Variants in CEP350 observed in about 807,000 individuals in gnomAD.
CEP350 encodes the protein centrosomal protein 350.
In CEP350, 126 loss-of-function variants were observed where a neutral mutation model predicts 331.8. The observed-to-expected ratio is 0.38, with a 90% CI of 0.33 to 0.44. CEP350 has a LOEUF of 0.44. CEP350 is among the 20% of genes least tolerant of loss of function. The probability of loss-of-function intolerance (pLI) is 1.00; values close to 1 mark genes in which losing one functional copy is unlikely to be tolerated. For missense variants in CEP350, 3,406 were observed against 3,634.6 expected (o/e 0.94, Z 1.62); for synonymous variants, 1,200 against 1,259.5 (o/e 0.95, Z 1.00).
intron 25 of CEP350, among the ~76,000 whole-genome samples, chr1:180,060,998 TTTA>T (rs1658196504): frequency 6.6e-6 from 1 of 152,134 alleles, no homozygotes; most frequent in South Asian, 2.1e-4. Flanking sequence ...GTTTTATTTC[TTTA>T]CAGGATTAAA....
chr1:180,003,652 C>T (rs1414486074), intron 7 of CEP350, among the ~76,000 whole-genome samples: 1 of 151,990 alleles, frequency 6.6e-6, no homozygotes, highest in Non-Finnish European at 1.5e-5. Context: ...AAGATACTTA[C>T]ATGAGAGCAA....
At chr1:179,993,986 C>T (rs1485593421) in intron 5 of CEP350, among the ~76,000 whole-genome samples, 1 of 152,156 alleles carries the variant, frequency 6.6e-6, no homozygotes, top group Non-Finnish European at 1.5e-5. Context: ...TGTTTTGGTT[C>T]CATATCTGCC....
chr1:180,104,029 A>G (rs997971477), intron 37 of CEP350, among the ~76,000 whole-genome samples: 2 of 145,526 alleles, frequency 1.4e-5, no homozygotes, highest in African/African-American at 5.1e-5. Flanking sequence ...ATATTTTAAA[A>G]TATATACAAA....
intron 14 of CEP350, among the ~76,000 whole-genome samples, chr1:180,030,293 A>G (rs897385576): frequency 1.4e-5 from 2 of 144,634 alleles, no homozygotes; most frequent in East Asian, 1.9e-4. Context: ...ATATATACAC[A>G]TAAGTATATA....
intron 1 of CEP350, among the ~76,000 whole-genome samples, chr1:179,967,582 T>C (rs1651111598): frequency 6.6e-6 from 1 of 152,056 alleles, no homozygotes; most frequent in Non-Finnish European, 1.5e-5. Flanking sequence ...CAGCCAATTT[T>C]TGTATTTTTA....
chr1:180,112,701 TGTTATAGCTTCAAA>T lies in CEP350; in HGVS notation c.*1543_*1556del, dbSNP rs1661518887. The T allele has an allele frequency of 6.6e-6, 1 of 152,656 alleles. No homozygotes were observed. The highest frequency in any genetic ancestry group is 6.5e-5 in the Admixed American group (1 of 15,280). 9.5% of individuals were successfully genotyped at this position (152,656 alleles called of 1,614,324 possible). ...ATTCATATTTACAAATATCCTGGAA[TGTTATAGCTTCAAA>T]GTATATTAGAAAAACCCCAAAGATG... On this transcript the variant is annotated 3_prime_UTR_variant, in exon 38 of 38. Coordinates refer to ENST00000367607, the MANE Select transcript of CEP350 (RefSeq NM_014810.5).
At chr1:180,022,463 A>G (rs1290364636) in intron 12 of CEP350, among the ~76,000 whole-genome samples, 3 of 152,186 alleles carry the variant, frequency 2.0e-5, no homozygotes, top group Non-Finnish European at 4.4e-5. Flanking sequence ...AAGCAGGATG[A>G]TGAATACTTT....
chr1:180,099,528 C>T (rs958390061), intron 37 of CEP350, among the ~76,000 whole-genome samples: 1 of 151,652 alleles, frequency 6.6e-6, no homozygotes, highest in African/African-American at 2.4e-5. Context: ...TTTGGTTTTG[C>T]AATATATTTC....
At chr1:179,988,671 CT>C (rs546396776) in intron 3 of CEP350, among the ~76,000 whole-genome samples, 242 of 144,566 alleles carry the variant, frequency 1.7e-3, no homozygotes, top group Admixed American at 1.7e-3. Flanking sequence ...AAGGGAAACC[CT>C]TTTTTTTTTT....
At chr1:179,959,634 A>G (rs1169025795) in intron 1 of CEP350, among the ~76,000 whole-genome samples, 2 of 151,888 alleles carry the variant, frequency 1.3e-5, no homozygotes, top group Non-Finnish European at 2.9e-5. Flanking sequence ...GGCTCCTATA[A>G]TCCCAGCTGC....
chr1:180,063,338 T>G (rs986052677), intron 26 of CEP350, among the ~76,000 whole-genome samples: 2 of 151,852 alleles, frequency 1.3e-5, no homozygotes, highest in Non-Finnish European at 2.9e-5. Context: ...ACTATAGGCA[T>G]GCACCTCCAC....
At position 180,020,336 on chromosome 1, in the gene CEP350, G is replaced by A. The variant is rs777170226; in HGVS notation, c.2562G>A (p.Gly854=). ...TAGCTGGGGCCAGCATTAACTATGGGTCAGCATGGAACACTGAGTATGATG... is the reference window on the plus strand; with the variant it reads ...TAGCTGGGGCCAGCATTAACTATGGATCAGCATGGAACACTGAGTATGATG... ...KKLAGASINY[G]SAWNTEYDVQ... The change falls in exon 12 of 38, where the codon GGG becomes GGA. Residue 854 remains glycine (G), a synonymous_variant. Coordinates refer to ENST00000367607, the MANE Select transcript of CEP350 (RefSeq NM_014810.5). 2 of 1,613,742 alleles carry A rather than the reference G, an allele frequency of 1.2e-6. No homozygotes were observed. Among genetic ancestry groups the A allele is most frequent in the Non-Finnish European group, 1.7e-6 (2 of 1,179,898 alleles).
Position 179,986,219 on chromosome 1 carries a change from A to ATCC in CEP350, c.39_41dup (p.Pro14dup). On this transcript the variant is annotated inframe_insertion, in exon 2 of 38. Coordinates refer to ENST00000367607, the MANE Select transcript of CEP350 (RefSeq NM_014810.5). ...AAATCAAAAGAGGTGCCTTTACCAA[A>ATCC]TCCAAGGAACTCTCAAAGCAAGGAT... 1 of 1,551,302 alleles carries ATCC rather than the reference A, an allele frequency of 6.4e-7. No individual in the cohort carries two copies. Among genetic ancestry groups the ATCC allele is most frequent in the East Asian group, 2.4e-5 (1 of 40,948 alleles).
At chr1:179,955,365 T>G (rs910840288) in intron 1 of CEP350, among the ~76,000 whole-genome samples, 2 of 152,108 alleles carry the variant, frequency 1.3e-5, no homozygotes, top group Non-Finnish European at 2.9e-5. Flanking sequence ...GGAATTTCCT[T>G]CCTTACGTGC....
intron 1 of CEP350, among the ~76,000 whole-genome samples, chr1:179,972,079 CGTTT>C (rs1651490229): frequency 6.6e-6 from 1 of 151,928 alleles, no homozygotes; most frequent in African/African-American, 2.4e-5. Context: ...AGGAATACCT[CGTTT>C]GTTTTTTGTG....
At chr1:180,010,556 A>G (rs1427890375) in intron 8 of CEP350, among the ~76,000 whole-genome samples, 1 of 150,286 alleles carries the variant, frequency 6.7e-6, no homozygotes, top group Admixed American at 6.6e-5. Flanking sequence ...CTACTACATT[A>G]TTTTCATTGT....
At position 180,020,264 on chromosome 1, in the gene CEP350, A is replaced by G. The variant is rs749968251; in HGVS notation, c.2490A>G (p.Ala830=). The G allele has an allele frequency of 1.9e-6, 3 of 1,614,044 alleles. No individual in the cohort carries two copies. Among genetic ancestry groups the G allele is most frequent in the Non-Finnish European group, 2.5e-6 (3 of 1,179,904 alleles). Reference sequence around the variant, plus strand: ...TGGATCGTATTGAAGCCTTGAAAGCAACAGCTGCTTCTTTGTCCAGCAGAA... The same window carrying G: ...TGGATCGTATTGAAGCCTTGAAAGCGACAGCTGCTTCTTTGTCCAGCAGAA... The part of the protein sequence containing the change: ...SKLDRIEALK[A]TAASLSSRIE... Residue 830 remains alanine, a synonymous_variant, in exon 12 of 38, where the codon GCA becomes GCG. Transcript: ENST00000367607.
chr1:180,069,159 A>G (rs1193622420), intron 27 of CEP350, among the ~76,000 whole-genome samples: 1 of 152,242 alleles, frequency 6.6e-6, no homozygotes, highest in African/African-American at 2.4e-5. Context: ...CCGAGGTAGC[A>G]TAGAAAGATG....
chr1:180,109,319 CA>C (rs1441499592), intron 37 of CEP350, among the ~76,000 whole-genome samples: 1 of 152,054 alleles, frequency 6.6e-6, no homozygotes, highest in African/African-American at 2.4e-5. Context: ...GGGGTTTCAC[CA>C]CATTGGTCAG....
Sources: allele counts gnomAD v4.1 joint callset (sites outside exome capture counted in the v4.1 genomes callset), GRCh38; gene constraint gnomAD v4.1.1; transcripts MANE v1.5; gene names NCBI Gene and HGNC (gene_info 2026-07-23, HGNC 2026-07-21).